Variants in FUT8 observed in about 807,000 individuals in gnomAD.
FUT8 encodes the protein fucosyltransferase 8.
FUT8 carries 29 observed loss-of-function variants against 71.3 expected under a neutral mutation model. The observed-to-expected ratio is 0.41, with a 90% CI of 0.30 to 0.55. The LOEUF (loss-of-function observed/expected upper bound fraction) is 0.55. Among genes scored for constraint, FUT8 ranks in the 20% least tolerant of loss-of-function variants. The pLI is 0.34. For missense variants in FUT8, 544 were observed against 702.1 expected (o/e 0.77, Z 2.55); for synonymous variants, 254 against 239.3 (o/e 1.06, Z -0.57).
At chr14:65,369,147 C>A in the FUT8 span, among the ~76,000 whole-genome samples, 1 of 152,040 alleles carries the variant, frequency 6.6e-6, no homozygotes. The surrounding 1 kb of genome is among the most constrained non-coding windows in gnomAD (Gnocchi z 4.6). Flanking sequence ...GCCTAATAAC[C>A]ACATGCGGCA....
At chr14:65,651,974 A>G (rs1891432062) in intron 6 of FUT8, among the ~76,000 whole-genome samples, 1 of 152,216 alleles carries the variant, frequency 6.6e-6, no homozygotes, top group Non-Finnish European at 1.5e-5. Context: ...ATTGAAGAAC[A>G]TATTTGAAGA....
intron 6 of FUT8, among the ~76,000 whole-genome samples, chr14:65,657,076 A>T (rs1262088209): frequency 6.6e-6 from 1 of 152,198 alleles, no homozygotes; most frequent in Non-Finnish European, 1.5e-5. Flanking sequence ...ACTCTCCAGG[A>T]CACTGGTTTG....
intron 2 of FUT8, among the ~76,000 whole-genome samples, chr14:65,530,376 A>G (rs1883861864): frequency 6.6e-6 from 1 of 152,130 alleles, no homozygotes; most frequent in African/African-American, 2.4e-5. Context: ...GCAATGTCAT[A>G]TACATTGTTT....
intron 6 of FUT8, among the ~76,000 whole-genome samples, chr14:65,631,310 T>G (rs1479808114): frequency 6.6e-6 from 1 of 152,200 alleles, no homozygotes; most frequent in African/African-American, 2.4e-5. Flanking sequence ...AGTTCTAAAC[T>G]ATGATCTAGT....
At chr14:65,733,174 C>A in intron 9 of FUT8, 57 bp from the exon 10 acceptor site, 1 of 1,116,122 alleles carries the variant, frequency 9.0e-7, no homozygotes. Flanking sequence ...GAAAGTCTGC[C>A]TTCTGATAGG....
rs1223547792 is a variant in FUT8, at chr14:65,629,729, T to TA, written c.597+124dup. On this transcript the variant is annotated intron_variant, in intron 6 of 10. Coordinates refer to ENST00000673929, the MANE Select transcript of FUT8 (RefSeq NM_001371533.1). ...CTTGAAAATCAGTACTCACACATTT[T>TA]ACATATTTATTCAGAAAGACACTGT... 9 of 660,106 alleles carry TA rather than the reference T, an allele frequency of 1.4e-5. No homozygotes were observed. The African/African-American group carries it at 1.6e-4, about 12-fold the overall frequency. The allele number at this position is 660,106 out of a possible 1,614,324, so 40.9% of individuals were successfully genotyped here.
intron 2 of FUT8, among the ~76,000 whole-genome samples, chr14:65,533,871 G>A (rs1288443001): frequency 6.6e-6 from 1 of 152,124 alleles, no homozygotes; most frequent in Admixed American, 6.5e-5. Flanking sequence ...TTTTCTGTAT[G>A]TATTGAGATG....
intron 7 of FUT8, among the ~76,000 whole-genome samples, chr14:65,706,524 A>C (rs544440843): frequency 5.3e-5 from 8 of 152,148 alleles, no homozygotes; most frequent in Non-Finnish European, 1.0e-4. Context: ...GCTATAACAA[A>C]ATACTATAAA....
intron 2 of FUT8, among the ~76,000 whole-genome samples, chr14:65,464,375 C>G (rs1411898432): frequency 6.7e-6 from 1 of 149,198 alleles, no homozygotes; most frequent in Non-Finnish European, 1.5e-5. Flanking sequence ...ACTGCATTAG[C>G]TAGGATGTCC....
chr14:65,614,870 T>C (rs1889201918), intron 3 of FUT8, among the ~76,000 whole-genome samples: 1 of 152,200 alleles, frequency 6.6e-6, no homozygotes, highest in Admixed American at 6.5e-5. Flanking sequence ...AGACCTTTGT[T>C]TAGCCTACCA....
chr14:65,697,487 T>G (rs1894051918), intron 7 of FUT8, among the ~76,000 whole-genome samples: 1 of 152,218 alleles, frequency 6.6e-6, no homozygotes, highest in Non-Finnish European at 1.5e-5. Context: ...AAAACTCCAG[T>G]AGATTAAGCT....
intron 1 of FUT8, among the ~76,000 whole-genome samples, chr14:65,428,806 C>T (rs1409490430): frequency 6.6e-6 from 1 of 152,148 alleles, no homozygotes; most frequent in African/African-American, 2.4e-5. Context: ...AAGAGAAGTA[C>T]AAGACTATAT....
chr14:65,369,964 C>T, the FUT8 span, among the ~76,000 whole-genome samples: 8 of 152,228 alleles, frequency 5.3e-5, no homozygotes, highest in South Asian at 1.7e-3. The surrounding 1 kb of genome is among the most constrained non-coding windows in gnomAD (Gnocchi z 4.6). Flanking sequence ...TCCAAGAACC[C>T]TCTCTTTGGG....
At position 65,542,305 on chromosome 14, in the gene FUT8, C is replaced by T. The variant is rs201414536; in HGVS notation, c.-227-19032C>T. Among the ~76,000 whole-genome samples, 5 of 152,060 alleles carry T rather than the reference C, an allele frequency of 3.3e-5. No individual in the cohort carries two copies. The East Asian group carries it at 9.6e-4, about 29-fold the overall frequency. On this transcript the variant is annotated intron_variant, in intron 2 of 10. Transcript: ENST00000673929. ...ATATTAGCGGTGCCAGGATTTAGAC[C>T]TTGTTCTGTCTAACCTTAGAGCCTG...
rs1321217794 is a variant in FUT8, at chr14:65,483,618, T to A, written c.-228+27900T>A. On this transcript the variant is annotated intron_variant, in intron 2 of 10. Coordinates refer to ENST00000673929, the MANE Select transcript of FUT8 (RefSeq NM_001371533.1). The surrounding 1 kb of genome is among the most constrained non-coding windows in gnomAD (Gnocchi z 4.4). ...GGATGTTTAATTTCTTTCAGCAGTA[T>A]TTTATTGTTTTCAATGTACTGATCT... Among the ~76,000 whole-genome samples the A allele has an allele frequency of 6.6e-6, 1 of 152,222 alleles. No individual in the cohort carries two copies. The highest frequency in any genetic ancestry group is 1.5e-5 in the Non-Finnish European group (1 of 68,034).
chr14:65,655,031 C>T (rs1327157347), intron 6 of FUT8, among the ~76,000 whole-genome samples: 6 of 151,306 alleles, frequency 4.0e-5, no homozygotes, highest in Non-Finnish European at 7.4e-5. Flanking sequence ...GGATTATAGG[C>T]GTGAGCCACT....
rs2065154157 is a variant in FUT8, at chr14:65,412,787, G to A, written c.-753G>A. Reference sequence around the variant, plus strand: ...TTCCCCGCCTGCGCTCGTTGTCAGAGCCGCTCCGGCGCGTGCGCGCGTTAT... The same window carrying A: ...TTCCCCGCCTGCGCTCGTTGTCAGAACCGCTCCGGCGCGTGCGCGCGTTAT... On this transcript the variant is annotated 5_prime_UTR_variant, in exon 1 of 11. Transcript: ENST00000673929. The A allele has an allele frequency of 5.9e-6, 1 of 169,528 alleles. No individual in the cohort carries two copies. Among genetic ancestry groups the A allele is most frequent in the African/African-American group, 2.4e-5 (1 of 41,518 alleles). 10.5% of individuals were successfully genotyped at this position (169,528 alleles called of 1,614,324 possible).
chr14:65,650,238 G>T (rs979242589), intron 6 of FUT8, among the ~76,000 whole-genome samples: 1 of 135,944 alleles, frequency 7.4e-6, no homozygotes. Context: ...GGCGGAGCTT[G>T]CAGTGAGCCG....
At chr14:65,711,682 T>G (rs1894817424) in intron 7 of FUT8, among the ~76,000 whole-genome samples, 1 of 152,224 alleles carries the variant, frequency 6.6e-6, no homozygotes, top group Admixed American at 6.5e-5. Flanking sequence ...GTTTCTTGTC[T>G]GATAAAGGTG....
Sources: allele counts gnomAD v4.1 joint callset (sites outside exome capture counted in the v4.1 genomes callset), GRCh38; gene constraint gnomAD v4.1.1; non-coding constraint Gnocchi (gnomAD v3.1); transcripts MANE v1.5; gene names NCBI Gene and HGNC (gene_info 2026-07-23, HGNC 2026-07-21).